The following SCFD2 variants were observed in gnomAD, a reference collection of about 807,000 sequenced individuals.
The protein encoded by SCFD2 is sec1 family domain containing 2, also known as sec1 family domain-containing protein 2.
A neutral mutation model predicts 58.9 loss-of-function variants in SCFD2; 54 were observed. That is an observed-to-expected ratio of 0.92 (90% CI 0.74 to 1.15). The LOEUF is 1.15. Among genes scored for constraint, SCFD2 ranks in the 50% most tolerant of loss-of-function variants. The pLI is 0.00. For synonymous variants in SCFD2, 321 were observed against 335.9 expected (o/e 0.96, Z 0.49); for missense variants, 805 against 836.6 (o/e 0.96, Z 0.47).
chr4:52,960,826 T>A (rs915460358), intron 5 of SCFD2, among the ~76,000 whole-genome samples: 1 of 152,120 alleles, frequency 6.6e-6, no homozygotes, highest in Non-Finnish European at 1.5e-5. Context: ...ACAGTTCCAG[T>A]TGCTATGAGG....
At chr4:52,910,846 C>T (rs1193743134) in intron 6 of SCFD2, among the ~76,000 whole-genome samples, 1 of 152,108 alleles carries the variant, frequency 6.6e-6, no homozygotes, top group Admixed American at 6.5e-5. Flanking sequence ...CAGCTTTTCC[C>T]CCTTTTGCTC....
chr4:53,241,261 T>TG (rs1729883565), intron 4 of SCFD2, among the ~76,000 whole-genome samples: 1 of 152,172 alleles, frequency 6.6e-6, no homozygotes, highest in Non-Finnish European at 1.5e-5. Flanking sequence ...CCAGAGGATT[T>TG]GGTGCGGTGG....
intron 4 of SCFD2, among the ~76,000 whole-genome samples, chr4:53,151,726 T>C (rs1430598200): frequency 6.6e-6 from 1 of 152,208 alleles, no homozygotes; most frequent in African/African-American, 2.4e-5. Flanking sequence ...CCATTTGTGT[T>C]GCTATGAAGG....
chr4:52,910,915 A>T (rs886319385), intron 6 of SCFD2, among the ~76,000 whole-genome samples: 2 of 152,110 alleles, frequency 1.3e-5, no homozygotes, highest in African/African-American at 4.8e-5. Context: ...TTCTGCCATG[A>T]TTGTAAGTTT....
intron 4 of SCFD2, among the ~76,000 whole-genome samples, chr4:53,264,946 ATATTT>A (rs1232602468): frequency 6.6e-6 from 1 of 152,176 alleles, no homozygotes; most frequent in African/African-American, 2.4e-5. Flanking sequence ...TAACTCATTT[ATATTT>A]TATTAAAAAA....
At chr4:53,280,059 T>C (rs1056748008) in intron 3 of SCFD2, among the ~76,000 whole-genome samples, 1 of 152,242 alleles carries the variant, frequency 6.6e-6, no homozygotes, top group African/African-American at 2.4e-5. Context: ...TGACAAATTA[T>C]AGCTTTCTCA....
intron 4 of SCFD2, among the ~76,000 whole-genome samples, chr4:53,156,398 C>CAAA (rs1171962847): frequency 5.0e-5 from 5 of 99,846 alleles, no homozygotes; most frequent in African/African-American, 7.8e-5. Context: ...AGACTCAACT[C>CAAA]AAAAAAAAAA....
intron 5 of SCFD2, among the ~76,000 whole-genome samples, chr4:53,092,047 C>G (rs1290980728): frequency 1.3e-5 from 2 of 151,964 alleles, no homozygotes; most frequent in African/African-American, 4.8e-5. Flanking sequence ...GAACAGGAAG[C>G]AAAATAATCT....
chr4:52,928,520 G>A (rs1269912123), intron 5 of SCFD2, among the ~76,000 whole-genome samples: 1 of 152,114 alleles, frequency 6.6e-6, no homozygotes, highest in Non-Finnish European at 1.5e-5. Context: ...CTATCTAGGT[G>A]AGGTCACAAA....
At chr4:53,161,181 G>C (rs1027819099) in intron 4 of SCFD2, among the ~76,000 whole-genome samples, 5 of 152,158 alleles carry the variant, frequency 3.3e-5, no homozygotes, top group African/African-American at 1.2e-4. Context: ...CAAAAGAGGG[G>C]CTTCCAGGGT....
chr4:53,060,402 T>C (rs1723476216), intron 5 of SCFD2, among the ~76,000 whole-genome samples: 1 of 152,094 alleles, frequency 6.6e-6, no homozygotes, highest in Non-Finnish European at 1.5e-5. Flanking sequence ...ACATGTAAAT[T>C]GAAACAGAAA....
At chr4:53,322,739 A>G (rs1389046462) in intron 2 of SCFD2, among the ~76,000 whole-genome samples, 6 of 152,136 alleles carry the variant, frequency 3.9e-5, no homozygotes, top group South Asian at 4.1e-4. Flanking sequence ...TCTCTGCCAC[A>G]TTTTTCTGAC....
intron 5 of SCFD2, among the ~76,000 whole-genome samples, chr4:53,094,186 C>T (rs1301568222): frequency 1.3e-5 from 2 of 152,078 alleles, no homozygotes; most frequent in African/African-American, 4.8e-5. Context: ...GTTCATCTTT[C>T]CACTGTGCAT....
chr4:53,097,035 T>C (rs903363346), intron 5 of SCFD2, among the ~76,000 whole-genome samples: 53 of 152,108 alleles, frequency 3.5e-4, no homozygotes, highest in Non-Finnish European at 7.8e-4. Context: ...AGATGTGTGG[T>C]ATTATTTCTG....
chr4:53,198,909 C>A (rs1446122767), intron 4 of SCFD2, among the ~76,000 whole-genome samples: 1 of 152,050 alleles, frequency 6.6e-6, no homozygotes, highest in East Asian at 1.9e-4. Flanking sequence ...GGACATAATT[C>A]TTCATAATTA....
At chr4:53,265,993 C>T (rs1730974175) in intron 4 of SCFD2, among the ~76,000 whole-genome samples, 1 of 152,130 alleles carries the variant, frequency 6.6e-6, no homozygotes, top group African/African-American at 2.4e-5. Context: ...GATCCTCCTG[C>T]CTCAGGATTG....
At chr4:52,930,942 A>C (rs1719977803) in intron 5 of SCFD2, among the ~76,000 whole-genome samples, 1 of 152,134 alleles carries the variant, frequency 6.6e-6, no homozygotes, top group African/African-American at 2.4e-5. Flanking sequence ...GGAAAATCAG[A>C]TCTCTCACAG....
At chr4:52,929,857 A>T (rs898181945) in intron 5 of SCFD2, among the ~76,000 whole-genome samples, 2 of 152,212 alleles carry the variant, frequency 1.3e-5, no homozygotes, top group African/African-American at 4.8e-5. Flanking sequence ...TAAGGAGATA[A>T]GAGAGGACAC....
At chr4:53,276,159 C>T (rs1296468892) in intron 3 of SCFD2, among the ~76,000 whole-genome samples, 2 of 151,490 alleles carry the variant, frequency 1.3e-5, no homozygotes, top group Admixed American at 1.3e-4. Context: ...TTTTATCACT[C>T]TTATCAAACA....
Sources: allele counts gnomAD v4.1 joint callset (sites outside exome capture counted in the v4.1 genomes callset), GRCh38; gene constraint gnomAD v4.1.1; transcripts MANE v1.5; gene names NCBI Gene and HGNC (gene_info 2026-07-23, HGNC 2026-07-21).